Variants in APPL2 observed in about 807,000 individuals in gnomAD.
APPL2 encodes DCC-interacting protein 13-beta.
In APPL2, 84 loss-of-function variants were observed where a neutral mutation model predicts 92.7. The observed-to-expected ratio is 0.91, with a 90% CI of 0.76 to 1.09. The LOEUF is 1.09. Ranked by LOEUF, APPL2 falls within the 50% of genes least tolerant of loss-of-function variation. The pLI is 0.00. For missense variants in APPL2, 736 were observed against 824.5 expected, an observed-to-expected ratio of 0.89 and a Z score of 1.31; for synonymous variants, 291 against 291.0, an observed-to-expected ratio of 1.00 and a Z score of 0.00.
At chr12:105,176,805 T>C in intron 19 of APPL2, 71 bp downstream of exon 19, 1 of 1,548,490 alleles carries the variant, frequency 6.5e-7, no homozygotes, top group East Asian at 2.3e-5. Context: ...AAGGAAGTAA[T>C]GCCAGAAAAC....
chr12:105,186,675 A>ATATATGATATAT (rs879431608), intron 17 of APPL2, among the ~76,000 whole-genome samples: 2 of 94,536 alleles, frequency 2.1e-5, no homozygotes, highest in East Asian at 2.8e-4. Flanking sequence ...CATATATATG[A>ATATATGATATAT]TATATCATAT....
intron 4 of APPL2, 59 bp from the exon 5 acceptor site, chr12:105,211,376 C>CT: frequency 3.9e-6 from 5 of 1,272,974 alleles, no homozygotes; most frequent in Non-Finnish European, 5.7e-6. Flanking sequence ...TTGACATAGT[C>CT]TCATTTCACC....
chr12:105,210,343 A>T (rs942536617), intron 5 of APPL2, among the ~76,000 whole-genome samples: 1 of 152,192 alleles, frequency 6.6e-6, no homozygotes, highest in Non-Finnish European at 1.5e-5. Flanking sequence ...TTAAAGTGAT[A>T]TATTTTTAAA....
intron 8 of APPL2, among the ~76,000 whole-genome samples, chr12:105,206,420 G>T (rs886448244): frequency 1.3e-5 from 2 of 152,202 alleles, no homozygotes; most frequent in South Asian, 2.1e-4. Flanking sequence ...GGTGGAAAGT[G>T]AGGGGGTGGT....
intron 4 of APPL2, among the ~76,000 whole-genome samples, chr12:105,215,515 A>G (rs963700984): frequency 3.2e-4 from 49 of 152,348 alleles, no homozygotes; most frequent in African/African-American, 1.1e-3. Context: ...AGCGTCTGCT[A>G]AATAGGAGGT....
At chr12:105,219,328 G>A (rs1489275103) in intron 2 of APPL2, among the ~76,000 whole-genome samples, 2 of 152,164 alleles carry the variant, frequency 1.3e-5, no homozygotes, top group Non-Finnish European at 2.9e-5. Flanking sequence ...AATAGACCAG[G>A]AAACGTGGCT....
chr12:105,222,893 C>T (rs190418049), intron 2 of APPL2, among the ~76,000 whole-genome samples: 97 of 152,258 alleles, frequency 6.4e-4, no homozygotes, highest in African/African-American at 2.2e-3. Context: ...GTCAGGCTTG[C>T]GGTCAGTCTC....
intron 14 of APPL2, among the ~76,000 whole-genome samples, chr12:105,192,008 C>A (rs1224118607): frequency 6.6e-6 from 1 of 152,126 alleles, no homozygotes; most frequent in African/African-American, 2.4e-5. Context: ...GCACTCCAGA[C>A]CTGTATCATC....
chr12:105,210,420 G>A (rs777365233), intron 5 of APPL2, among the ~76,000 whole-genome samples: 2 of 152,162 alleles, frequency 1.3e-5, no homozygotes, highest in Non-Finnish European at 2.9e-5. Flanking sequence ...CCAGCAACTT[G>A]TTTATATCAG....
rs532198037 is a variant in APPL2 at position 105,177,551 on chromosome 12, A to G, written c.1635-289T>C. On this transcript the variant is annotated intron_variant, in intron 17 of 20. Transcript: ENST00000258530. ...AACAGACAGCATTATAATCCTCAAC[A>G]GATCTGCTATATAATATGGATGGAT... is the stretch of plus-strand genomic sequence containing the variant. 4.1e-5 allele frequency: 18 copies of G among 439,224 alleles called. No individual in the cohort carries two copies. The South Asian group carries it at 4.6e-4, about 11-fold the overall frequency. The allele number at this position is 439,224 out of a possible 1,614,324, so 27.2% of individuals were successfully genotyped here. A position where few individuals can be genotyped will look rare whatever the true frequency, so the allele number is the denominator to read the frequency against.
chr12:105,194,933 T>C (rs1270243952), intron 14 of APPL2, among the ~76,000 whole-genome samples: 3 of 152,212 alleles, frequency 2.0e-5, no homozygotes, highest in Admixed American at 6.5e-5. Context: ...TTCGTTCCCT[T>C]ACTTTGTTGA....
intron 17 of APPL2, among the ~76,000 whole-genome samples, chr12:105,182,562 A>T (rs1886214911): frequency 6.6e-6 from 1 of 152,204 alleles, no homozygotes; most frequent in Admixed American, 6.5e-5. Flanking sequence ...GTAGTTGTGC[A>T]GTTTTGAATG....
At chr12:105,196,096 T>C (rs889493403) in intron 11 of APPL2, among the ~76,000 whole-genome samples, 1 of 151,388 alleles carries the variant, frequency 6.6e-6, no homozygotes, top group African/African-American at 2.4e-5. Context: ...GAAAATGGGC[T>C]TGTAGGTCTG....
intron 2 of APPL2, among the ~76,000 whole-genome samples, chr12:105,219,102 G>C (rs1472233009): frequency 6.6e-6 from 1 of 152,232 alleles, no homozygotes; most frequent in Non-Finnish European, 1.5e-5. Flanking sequence ...GAGGACACTG[G>C]CCTACCTCCT....
At chr12:105,222,642 T>C (rs1333893123) in intron 2 of APPL2, among the ~76,000 whole-genome samples, 1 of 152,144 alleles carries the variant, frequency 6.6e-6, no homozygotes, top group Non-Finnish European at 1.5e-5. Context: ...TCAACACCTA[T>C]GGGGCCAGAC....
intron 8 of APPL2, 118 bp downstream of exon 8, chr12:105,206,943 A>C: frequency 7.7e-7 from 1 of 1,304,876 alleles, no homozygotes; most frequent in Non-Finnish European, 1.0e-6. Flanking sequence ...CAAAGTAGCC[A>C]GGGAGATTGT....
At chr12:105,190,561 G>A (rs1235497420) in intron 14 of APPL2, among the ~76,000 whole-genome samples, 1 of 152,180 alleles carries the variant, frequency 6.6e-6, no homozygotes, top group Admixed American at 6.5e-5. Flanking sequence ...TTCCCCAAAA[G>A]CCTCCCTTTC....
intron 2 of APPL2, among the ~76,000 whole-genome samples, chr12:105,228,251 T>G (rs1171354503): frequency 6.6e-6 from 1 of 152,222 alleles, no homozygotes; most frequent in African/African-American, 2.4e-5. Flanking sequence ...TTTTCAGATT[T>G]TGAAGTATTT....
In APPL2 at chr12:105,196,721, G is replaced by A. The variant is rs557102651; in HGVS notation, c.1052+1044C>T. On this transcript the variant is annotated intron_variant, in intron 11 of 20. Transcript: ENST00000258530. ...CTCCCAAAGTGCTGGGATTATAGGCGTGAGCCACTGTACCCAGCCGAGGCT... is the reference window on the plus strand; with the variant it reads ...CTCCCAAAGTGCTGGGATTATAGGCATGAGCCACTGTACCCAGCCGAGGCT... Among the ~76,000 whole-genome samples, 161 of 152,256 alleles carry A rather than the reference G, an allele frequency of 1.1e-3. 1 individual carries two copies. The highest frequency in any genetic ancestry group is 1.8e-3 in the Non-Finnish European group (121 of 68,020).
Sources: gnomAD v4.1 joint callset for allele counts (sites outside exome capture counted in the v4.1 genomes callset) on GRCh38, gnomAD v4.1.1 for gene constraint, MANE v1.5 for transcripts, NCBI Gene and HGNC (gene_info 2026-07-23, HGNC 2026-07-21) for gene names.